Variants in SPACA9 observed in about 807,000 individuals in gnomAD.
SPACA9 encodes the protein sperm acrosome associated 9, also known as sperm acrosome-associated protein 9.
A neutral mutation model predicts 12.5 loss-of-function variants in SPACA9; 14 were observed. The observed-to-expected ratio is 1.12, with a 90% CI of 0.74 to 1.75. The LOEUF (loss-of-function observed/expected upper bound fraction) is 1.75, where lower values mean the gene tolerates loss of function less well. SPACA9 is among the 40% of genes most tolerant of loss of function. The pLI, the probability that SPACA9 is intolerant of heterozygous loss-of-function variation, is 0.00. For synonymous variants in SPACA9, 111 were observed against 114.1 expected (o/e 0.97, Z 0.17); for missense variants, 292 against 291.9 (o/e 1.00, Z 0.00).
At chr9:132,881,008 T>A (rs1844409067) in intron 1 of SPACA9, among the ~76,000 whole-genome samples, 2 of 151,898 alleles carry the variant, frequency 1.3e-5, no homozygotes, top group Non-Finnish European at 2.9e-5. Context: ...GTATTTTTAT[T>A]ACAGACAGGG....
chr9:132,889,050 G>A lies in SPACA9; in HGVS notation c.*439G>A, dbSNP rs969887910. The A allele has an allele frequency of 5.9e-5, 59 of 997,548 alleles. No individual in the cohort carries two copies. The South Asian group carries it at 2.3e-3, about 39-fold the overall frequency. 61.8% of individuals were successfully genotyped at this position (997,548 alleles called of 1,614,324 possible). A position where few individuals can be genotyped will look rare whatever the true frequency, so the allele number is the denominator to read the frequency against. ...CTCCCAAAGTGCTGGGATTACAGGC[G>A]TGAGCCACAGCGCCCGGCCCTCTTG... On this transcript the variant is annotated 3_prime_UTR_variant, in exon 4 of 4. Coordinates refer to ENST00000356311, the MANE Select transcript of SPACA9 (RefSeq NM_001316897.2).
At chr9:132,880,175 G>A (rs865952975) in intron 1 of SPACA9, among the ~76,000 whole-genome samples, 2 of 152,122 alleles carry the variant, frequency 1.3e-5, no homozygotes, top group South Asian at 2.1e-4. Context: ...AGCCCTAGGC[G>A]CTTTTCCTAC....
rs1015653638 is a variant in SPACA9 at position 132,889,178 on chromosome 9, C to T, written c.*567C>T. On this transcript the variant is annotated 3_prime_UTR_variant, in exon 4 of 4. Transcript: ENST00000356311. ...CAAACAGGATGGTGTGGTAGAGGGT[C>T]CCAGGAGGGCACTGAACTGTCACCT... The T allele has an allele frequency of 2.0e-6, 2 of 987,998 alleles. No individual in the cohort carries two copies. The highest frequency in any genetic ancestry group is 1.7e-5 in the African/African-American group (1 of 57,226). 61.2% of individuals were successfully genotyped at this position (987,998 alleles called of 1,614,324 possible).
At chr9:132,883,721 T>C (rs1488724304) in intron 1 of SPACA9, among the ~76,000 whole-genome samples, 190 bp from the exon 2 acceptor site, 2 of 99,152 alleles carry the variant, frequency 2.0e-5, no homozygotes, top group East Asian at 6.0e-4. Context: ...AGCTCTGTCA[T>C]GGACAGCCTG....
At position 132,888,767 on chromosome 9, in the gene SPACA9, TTTAAC is replaced by T. The variant is rs1423510190; in HGVS notation, c.*159_*163del. 1.1e-5 allele frequency: 15 copies of T among 1,406,220 alleles called. No homozygotes were observed. In the African/African-American group the frequency reaches 1.6e-4, roughly 15 times the overall value. 87.1% of individuals were successfully genotyped at this position (1,406,220 alleles called of 1,614,324 possible). On this transcript the variant is annotated 3_prime_UTR_variant, in exon 4 of 4. Coordinates refer to ENST00000356311, the MANE Select transcript of SPACA9 (RefSeq NM_001316897.2). The surrounding 1 kb of genome is among the most constrained non-coding windows in gnomAD (Gnocchi z 5.0). ...TGAGACTTCCTCTCTCTCTTCTTGC[TTTAAC>T]TTCTTTTTTTTTTGAGACGGAGTCT... is the stretch of plus-strand genomic sequence containing the variant.
downstream of SPACA9, chr9:132,890,150 GGCAAGGGGGCATGCCTGTC>G: frequency 1.9e-6 from 1 of 534,848 alleles, no homozygotes. Flanking sequence ...GGCCACCCTA[GGCAAGGGGGCATGCCTGTC>G]TCAAGTCGGC....
rs1844663945 is a variant in SPACA9 at position 132,889,126 on chromosome 9, A to G, written c.*515A>G. 5.0e-5 allele frequency: 50 copies of G among 990,774 alleles called. No homozygotes were observed. The highest frequency in any genetic ancestry group is 6.0e-5 in the Non-Finnish European group (50 of 832,968). 61.4% of individuals were successfully genotyped at this position (990,774 alleles called of 1,614,324 possible). On this transcript the variant is annotated 3_prime_UTR_variant, in exon 4 of 4. Transcript: ENST00000356311. ...TAAGCATCAGGCTCCGTGCTGATGA[A>G]GAGGAAACCCACTTACAGAAGTTGC... is the stretch of plus-strand genomic sequence containing the variant.
chr9:132,884,877 A>G (rs1844521309), intron 2 of SPACA9, among the ~76,000 whole-genome samples: 1 of 152,188 alleles, frequency 6.6e-6, no homozygotes, highest in South Asian at 2.1e-4. Flanking sequence ...GCACTTTGGG[A>G]GGCCGAGGCA....
Position 132,887,425 on chromosome 9 carries a change from C to A in SPACA9, c.201C>A (p.Leu67=), listed in dbSNP as rs143097194. ...GCTCCACAGACCGGCGGGTTCTGCT[C>A]ATGTTCCTGGACATCTGTTCAGAGC... ...CNSSTDRRVL[L]MFLDICSELN... The change falls in exon 3 of 4, where the codon CTC becomes CTA. Residue 67 remains leucine (L), a synonymous_variant. Coordinates refer to ENST00000356311, the MANE Select transcript of SPACA9 (RefSeq NM_001316897.2). The surrounding 1 kb of genome is among the most constrained non-coding windows in gnomAD (Gnocchi z 5.4). The A allele has an allele frequency of 6.2e-6, 10 of 1,612,036 alleles. No individual in the cohort carries two copies. The highest frequency in any genetic ancestry group is 8.5e-6 in the Non-Finnish European group (10 of 1,179,990).
At chr9:132,879,458 A>G (rs940706368) in intron 1 of SPACA9, among the ~76,000 whole-genome samples, 2 of 152,158 alleles carry the variant, frequency 1.3e-5, no homozygotes, top group Non-Finnish European at 2.9e-5. Flanking sequence ...TCCGTGCCTC[A>G]CTTTCCTGCC....
chr9:132,886,278 G>A lies in SPACA9; in HGVS notation c.145-1091G>A, dbSNP rs547102437. The stretch of plus-strand genomic sequence containing the variant: ...CTCCCTAGCTCGAGATCAGACCTCC[G>A]GCTCTGGCCCAACCTCAGATGCAGT... On this transcript the variant is annotated intron_variant, in intron 2 of 3. Transcript: ENST00000356311. Among the ~76,000 whole-genome samples the A allele has an allele frequency of 1.9e-3, 287 of 152,292 alleles. 1 individual carries two copies. In the South Asian group the frequency reaches 0.023, roughly 12 times the overall value.
chr9:132,888,491 C>T lies in SPACA9; in HGVS notation c.549C>T (p.Ala183=). The part of the protein sequence containing the change: ...QESTRGAARP[A]QAIGTQPRAT... ...GCACCAGGGGAGCCGCTCGTCCTGCCCAGGCCATAGGGACCCAGCCCAGGG... is the reference window on the plus strand; with the variant it reads ...GCACCAGGGGAGCCGCTCGTCCTGCTCAGGCCATAGGGACCCAGCCCAGGG... Residue 183 remains alanine, a synonymous_variant, in exon 4 of 4, where the codon GCC becomes GCT. Coordinates refer to ENST00000356311, the MANE Select transcript of SPACA9 (RefSeq NM_001316897.2). This position sits in a 1 kb window ranked among gnomAD's most constrained non-coding sequence, Gnocchi z 5.0. 1 of 1,604,130 alleles carries T rather than the reference C, an allele frequency of 6.2e-7. No individual in the cohort carries two copies. The highest frequency in any genetic ancestry group is 8.5e-7 in the Non-Finnish European group (1 of 1,175,918).
chr9:132,882,099 C>G (rs1377870465), intron 1 of SPACA9, among the ~76,000 whole-genome samples: 5 of 152,210 alleles, frequency 3.3e-5, no homozygotes, highest in African/African-American at 4.8e-5. Flanking sequence ...AGGCCCCTGC[C>G]CTGCCTGCCC....
In SPACA9 at chr9:132,887,803, G is replaced by T. The variant is rs1844612149; in HGVS notation, c.347+232G>T. 6.6e-6 allele frequency among the ~76,000 whole-genome samples: 1 copy of T among 152,186 alleles called. No individual in the cohort carries two copies. The highest frequency in any genetic ancestry group is 1.5e-5 in the Non-Finnish European group (1 of 68,018). ...TCTCACGGGTGTTAGCACCAGGCAG[G>T]TGGAGAAGGGGGTGTAGAGCCCAGA... On this transcript the variant is annotated intron_variant, in intron 3 of 3. Coordinates refer to ENST00000356311, the MANE Select transcript of SPACA9 (RefSeq NM_001316897.2). The surrounding 1 kb of genome is among the most constrained non-coding windows in gnomAD (Gnocchi z 5.4).
intron 2 of SPACA9, among the ~76,000 whole-genome samples, chr9:132,885,170 T>C (rs906459325): frequency 6.6e-6 from 1 of 151,872 alleles, no homozygotes; most frequent in Non-Finnish European, 1.5e-5. Flanking sequence ...AAACACTTTT[T>C]TTTTCTAATT....
At chr9:132,880,518 GGAAC>G (rs1564455739) in intron 1 of SPACA9, among the ~76,000 whole-genome samples, 2 of 152,036 alleles carry the variant, frequency 1.3e-5, no homozygotes, top group Non-Finnish European at 2.9e-5. Context: ...CTTTCTCCCT[GGAAC>G]TCCACCTATG....
chr9:132,885,954 C>T (rs1036889004), intron 2 of SPACA9, among the ~76,000 whole-genome samples: 2 of 152,130 alleles, frequency 1.3e-5, no homozygotes, highest in East Asian at 3.9e-4. Context: ...CACCATGGGG[C>T]AGGTTCCTCC....
Position 132,889,555 on chromosome 9 carries a change from A to G in SPACA9, c.*944A>G. The G allele has an allele frequency of 2.6e-6, 1 of 387,204 alleles. No homozygotes were observed. The highest frequency in any genetic ancestry group is 3.5e-6 in the Non-Finnish European group (1 of 283,140). 24.0% of individuals were successfully genotyped at this position (387,204 alleles called of 1,614,324 possible). A position where few individuals can be genotyped will look rare whatever the true frequency, so the allele number is the denominator to read the frequency against. On this transcript the variant is annotated 3_prime_UTR_variant, in exon 4 of 4. Coordinates refer to ENST00000356311, the MANE Select transcript of SPACA9 (RefSeq NM_001316897.2). Reference sequence around the variant, plus strand: ...TGAGTAGCTGGAATTACAGGCGCCCACCACCCCACCTGGCTAATTTATATA... The same window carrying G: ...TGAGTAGCTGGAATTACAGGCGCCCGCCACCCCACCTGGCTAATTTATATA...
chr9:132,883,864 G>C, intron 1 of SPACA9, 47 bp from the exon 2 acceptor site: 1 of 1,459,794 alleles, frequency 6.9e-7, no homozygotes, highest in South Asian at 1.2e-5. Flanking sequence ...AGCTGGATCC[G>C]AGCATTGGGT....
Sources: allele counts gnomAD v4.1 joint callset (sites outside exome capture counted in the v4.1 genomes callset), GRCh38; gene constraint gnomAD v4.1.1; non-coding constraint Gnocchi (gnomAD v3.1); transcripts MANE v1.5; gene names NCBI Gene and HGNC (gene_info 2026-07-23, HGNC 2026-07-21).